Variants in RBFOX2 observed in about 807,000 individuals in gnomAD.
RBFOX2 encodes RNA binding protein fox-1 homolog 2.
In RBFOX2, 10 loss-of-function variants were observed where a neutral mutation model predicts 49.1. The observed-to-expected ratio is 0.20, with a 90% CI of 0.13 to 0.35. The LOEUF (loss-of-function observed/expected upper bound fraction) is 0.35, where lower values mean the gene tolerates loss of function less well. Among genes scored for constraint, RBFOX2 ranks in the 10% least tolerant of loss-of-function variants. The probability of loss-of-function intolerance (pLI) is 1.00; values close to 1 mark genes in which losing one functional copy is unlikely to be tolerated. For synonymous variants in RBFOX2, 183 were observed against 187.4 expected, an observed-to-expected ratio of 0.98 and a Z score of 0.19; for missense variants, 323 against 486.9, an observed-to-expected ratio of 0.66 and a Z score of 3.17.
intron 1 of RBFOX2, 85 bp downstream of exon 1, chr22:36,028,155 C>T: frequency 7.4e-7 from 1 of 1,345,544 alleles, no homozygotes. Flanking sequence ...TCCCGGAGGC[C>T]CTCCCTCTCT....
chr22:35,865,154 G>A (rs1470348278), intron 1 of RBFOX2, among the ~76,000 whole-genome samples: 1 of 152,150 alleles, frequency 6.6e-6, no homozygotes, highest in African/African-American at 2.4e-5. Flanking sequence ...TGGATGGATG[G>A]ATGTATATCT....
At chr22:35,930,521 A>C (rs1247677620) in intron 1 of RBFOX2, among the ~76,000 whole-genome samples, 2 of 152,016 alleles carry the variant, frequency 1.3e-5, no homozygotes, top group African/African-American at 2.4e-5. Flanking sequence ...ATTAGAAGGA[A>C]AGAGGTCTAT....
At chr22:35,868,823 A>C (rs2043999846) in intron 1 of RBFOX2, among the ~76,000 whole-genome samples, 1 of 152,238 alleles carries the variant, frequency 6.6e-6, no homozygotes, top group Non-Finnish European at 1.5e-5. Flanking sequence ...AAGAAACAAC[A>C]GGCCAGAAAT....
At chr22:35,920,998 C>A (rs943587987) in intron 1 of RBFOX2, among the ~76,000 whole-genome samples, 1 of 152,070 alleles carries the variant, frequency 6.6e-6, no homozygotes, top group African/African-American at 2.4e-5. Flanking sequence ...TCAATGAATG[C>A]AAATTACTTT....
At chr22:35,924,027 C>G (rs1246538982) in intron 1 of RBFOX2, among the ~76,000 whole-genome samples, 4 of 151,906 alleles carry the variant, frequency 2.6e-5, no homozygotes, top group Non-Finnish European at 5.9e-5. Context: ...TATTTTAAAA[C>G]CCAGATTCAC....
Position 35,968,004 on chromosome 22 carries a change from C to T in RBFOX2, c.187-29107G>A, listed in dbSNP as rs902598384. 3.7e-4 allele frequency among the ~76,000 whole-genome samples: 57 copies of T among 152,246 alleles called. 1 individual carries two copies. Among genetic ancestry groups the T allele is most frequent in the African/African-American group, 1.3e-3 (54 of 41,542 alleles). ...AAGGAAAAACATGTATATGTATACA[C>T]ATATGCTTTCACACACCCACACAAC... On this transcript the variant is annotated intron_variant, in intron 1 of 13. Transcript: ENST00000438146.
chr22:35,785,253 T>C (rs1462295524), intron 2 of RBFOX2, among the ~76,000 whole-genome samples: 2 of 152,226 alleles, frequency 1.3e-5, no homozygotes, highest in African/African-American at 4.8e-5. Context: ...AAAAAAGTTA[T>C]GTTGAGAAAA....
At chr22:35,921,534 A>C (rs762272382) in intron 1 of RBFOX2, among the ~76,000 whole-genome samples, 1 of 152,210 alleles carries the variant, frequency 6.6e-6, no homozygotes, top group Non-Finnish European at 1.5e-5. Context: ...ACAGGTATGA[A>C]GTGCTCTTTC....
upstream of RBFOX2, chr22:35,939,191 C>A (rs1382324303): frequency 1.8e-6 from 1 of 570,236 alleles, no homozygotes; most frequent in African/African-American, 1.8e-5. Context: ...CGACTGGGGT[C>A]AGAGTTAATT....
At chr22:35,775,482 G>T (rs1013802133) in intron 4 of RBFOX2, among the ~76,000 whole-genome samples, 7 of 152,206 alleles carry the variant, frequency 4.6e-5, no homozygotes, top group Non-Finnish European at 8.8e-5. Context: ...TTCTCAAAGA[G>T]AAAGCTCATG....
chr22:35,790,708 A>T (rs1602883848), intron 2 of RBFOX2, among the ~76,000 whole-genome samples: 2 of 152,156 alleles, frequency 1.3e-5, no homozygotes, highest in South Asian at 4.1e-4. Flanking sequence ...ATTTACTGTG[A>T]ATCTAAAATA....
intron 1 of RBFOX2, among the ~76,000 whole-genome samples, chr22:35,887,383 C>G (rs538470248): frequency 6.6e-6 from 1 of 152,278 alleles, no homozygotes; most frequent in South Asian, 2.1e-4. Context: ...CCTCCCACGC[C>G]CTGGAGGTCA....
upstream of RBFOX2, among the ~76,000 whole-genome samples, chr22:35,966,105 G>GA (rs1423757744): frequency 1.3e-5 from 2 of 152,140 alleles, no homozygotes; most frequent in Admixed American, 1.3e-4. Context: ...TGCCTGTTTT[G>GA]AAGTTTGTAT....
chr22:35,764,431 A>C (rs905622048), intron 6 of RBFOX2, among the ~76,000 whole-genome samples: 1 of 151,930 alleles, frequency 6.6e-6, no homozygotes, highest in Non-Finnish European at 1.5e-5. Flanking sequence ...AAAAATACAA[A>C]AAATTAGCCA....
chr22:35,781,560 C>T (rs1479415259), intron 3 of RBFOX2, 40 bp downstream of exon 4: 1 of 1,596,484 alleles, frequency 6.3e-7, no homozygotes, highest in South Asian at 1.1e-5. Context: ...TTAAAATCTA[C>T]TTTAATTGTA....
intron 1 of RBFOX2, among the ~76,000 whole-genome samples, chr22:35,922,056 C>T (rs1269027767): frequency 6.6e-6 from 1 of 152,186 alleles, no homozygotes; most frequent in Non-Finnish European, 1.5e-5. Context: ...CCTTTCCTTC[C>T]TCCAGCTTTC....
chr22:35,888,667 T>C (rs1225131955), intron 1 of RBFOX2, among the ~76,000 whole-genome samples: 1 of 152,176 alleles, frequency 6.6e-6, no homozygotes, highest in East Asian at 1.9e-4. Context: ...AGCAATGACC[T>C]CCATATTGCT....
rs141040096 is a variant in RBFOX2, at chr22:35,981,889, C to T, written c.187-42992G>A. Among the ~76,000 whole-genome samples the T allele has an allele frequency of 2.2e-3, 338 of 152,200 alleles. 3 individuals carry two copies. The highest frequency in any genetic ancestry group is 0.017 in the Middle Eastern group (5 of 294). On this transcript the variant is annotated intron_variant, in intron 1 of 13. Coordinates refer to the RBFOX2 transcript ENST00000438146. The stretch of plus-strand genomic sequence containing the variant: ...ACAGAATTCACTGTATACCCTGTAA[C>T]GCACAACACATCAGCATCTATTTTA...
chr22:35,739,056 G>A (rs895615335), exon 12 of RBFOX2: 1 of 152,880 alleles, frequency 6.5e-6, no homozygotes, highest in Admixed American at 6.5e-5. Flanking sequence ...TCTGGAGTTA[G>A]CAGGGAAACA....
Sources: gnomAD v4.1 joint callset for allele counts (sites outside exome capture counted in the v4.1 genomes callset) on GRCh38, gnomAD v4.1.1 for gene constraint, MANE v1.5 for transcripts, NCBI Gene and HGNC (gene_info 2026-07-23, HGNC 2026-07-21) for gene names.